Variants in B3GLCT observed in about 807,000 individuals in gnomAD.
B3GLCT encodes beta-1,3-glucosyltransferase.
In B3GLCT, 65 loss-of-function variants were observed where a neutral mutation model predicts 63.4. The ratio of observed to expected loss-of-function variants is 1.03; its 90% confidence interval spans 0.84 to 1.26. The LOEUF (loss-of-function observed/expected upper bound fraction) is 1.26, where lower values mean the gene tolerates loss of function less well. Ranked by LOEUF, B3GLCT falls within the 50% of genes most tolerant of loss-of-function variation. The pLI is 0.00. For missense variants in B3GLCT, 577 were observed against 604.8 expected (o/e 0.95, Z 0.48); for synonymous variants, 233 against 219.2 (o/e 1.06, Z -0.55).
chr13:31,226,793 G>C (rs1870125853), intron 3 of B3GLCT, among the ~76,000 whole-genome samples: 1 of 151,958 alleles, frequency 6.6e-6, no homozygotes, highest in Non-Finnish European at 1.5e-5. Context: ...GAAATAATTT[G>C]AACATATAAG....
rs187311860 is a variant in B3GLCT at position 31,263,948 on chromosome 13, C to T, written c.596+2866C>T. Among the ~76,000 whole-genome samples, 23 of 152,262 alleles carry T rather than the reference C, an allele frequency of 1.5e-4. No homozygotes were observed. In the East Asian group the frequency reaches 1.9e-3, roughly 13 times the overall value. ...TGCCATAAACCAGGTAGCTTATAAA[C>T]GACAGCAGTTTATTTCTTATAGTTC... is the stretch of plus-strand genomic sequence containing the variant. On this transcript the variant is annotated intron_variant, in intron 7 of 14. Coordinates refer to ENST00000343307, the MANE Select transcript of B3GLCT (RefSeq NM_194318.4).
chr13:31,311,831 A>C (rs553000542), intron 12 of B3GLCT, among the ~76,000 whole-genome samples: 1 of 152,338 alleles, frequency 6.6e-6, no homozygotes, highest in African/African-American at 2.4e-5. Flanking sequence ...GTAGAGCCAT[A>C]GGCACACAGG....
At chr13:31,225,014 CTCTG>C in intron 3 of B3GLCT, among the ~76,000 whole-genome samples, 1 of 152,222 alleles carries the variant, frequency 6.6e-6, no homozygotes, top group East Asian at 1.9e-4. Flanking sequence ...CTAACTATCT[CTCTG>C]TCCTGCTGCC....
chr13:31,325,388 G>A (rs542397855), intron 14 of B3GLCT, among the ~76,000 whole-genome samples: 1 of 152,124 alleles, frequency 6.6e-6, no homozygotes, highest in African/African-American at 2.4e-5. Context: ...AATAAAAGGG[G>A]TAATTAAAAC....
chr13:31,228,571 C>T (rs1405434515), intron 3 of B3GLCT, among the ~76,000 whole-genome samples: 1 of 152,180 alleles, frequency 6.6e-6, no homozygotes, highest in African/African-American at 2.4e-5. Context: ...TGGCTATCTT[C>T]TCTGTGTGTC....
intron 7 of B3GLCT, among the ~76,000 whole-genome samples, chr13:31,265,398 A>G (rs1253337131): frequency 2.0e-5 from 3 of 152,192 alleles, no homozygotes; most frequent in Non-Finnish European, 4.4e-5. Context: ...CAGTCCAGGA[A>G]TGTTGATTCC....
At chr13:31,251,455 A>T (rs1871424191) in intron 6 of B3GLCT, among the ~76,000 whole-genome samples, 1 of 152,222 alleles carries the variant, frequency 6.6e-6, no homozygotes, top group Non-Finnish European at 1.5e-5. Context: ...AGTGCAAGGA[A>T]GCTAAGAACC....
chr13:31,213,887 A>G (rs1869422050), intron 1 of B3GLCT, among the ~76,000 whole-genome samples: 1 of 152,134 alleles, frequency 6.6e-6, no homozygotes, highest in African/African-American at 2.4e-5. Flanking sequence ...CTTACATTTC[A>G]GTTTCACCCT....
chr13:31,218,151 G>A (rs1372217650), intron 2 of B3GLCT, among the ~76,000 whole-genome samples: 1 of 148,642 alleles, frequency 6.7e-6, no homozygotes, highest in Non-Finnish European at 1.5e-5. Context: ...TCCCTGGTTA[G>A]CTGTATTCCT....
intron 1 of B3GLCT, among the ~76,000 whole-genome samples, chr13:31,205,238 T>G (rs960530827): frequency 9.2e-5 from 14 of 151,634 alleles, no homozygotes; most frequent in African/African-American, 3.4e-4. Flanking sequence ...TGAGTAGGTT[T>G]TTTTTTTTTG....
chr13:31,269,416 C>T, intron 8 of B3GLCT, 139 bp downstream of exon 8: 1 of 633,742 alleles, frequency 1.6e-6, no homozygotes, highest in Middle Eastern at 2.5e-4. Flanking sequence ...CATAGCACTC[C>T]AGCGAATTAG....
intron 4 of B3GLCT, among the ~76,000 whole-genome samples, chr13:31,239,684 CTT>C (rs59239925): frequency 1.3e-4 from 18 of 140,712 alleles, no homozygotes; most frequent in African/African-American, 2.3e-4. Flanking sequence ...TCACCTGAGT[CTT>C]TTTTTTTTTT....
At chr13:31,277,570 T>G (rs1872858921) in intron 10 of B3GLCT, among the ~76,000 whole-genome samples, 1 of 152,192 alleles carries the variant, frequency 6.6e-6, no homozygotes, top group South Asian at 2.1e-4. Context: ...ATGTGGTATT[T>G]ATGTAGGAGA....
intron 3 of B3GLCT, among the ~76,000 whole-genome samples, chr13:31,228,427 G>C (rs1281440641): frequency 1.3e-5 from 2 of 152,218 alleles, no homozygotes; most frequent in Admixed American, 1.3e-4. Flanking sequence ...ACGTGGCTTA[G>C]TACAAGCAAC....
chr13:31,289,560 T>A (rs1359249858), intron 12 of B3GLCT, among the ~76,000 whole-genome samples: 2 of 152,140 alleles, frequency 1.3e-5, no homozygotes, highest in Non-Finnish European at 2.9e-5. Context: ...AGTGGACTTT[T>A]CAGCAGAAAC....
rs114943636 is a variant in B3GLCT at position 31,319,444 on chromosome 13, C to A, written c.1184+1759C>A. On this transcript the variant is annotated intron_variant, in intron 13 of 14. Transcript: ENST00000343307. ...CCAAGGTTTCCAGCAACCTTGCTGT[C>A]GCTAAATCAAATTAATAATTTCCAA... is the stretch of plus-strand genomic sequence containing the variant. Among the ~76,000 whole-genome samples the A allele has an allele frequency of 5.5e-3, 836 of 152,316 alleles. 12 individuals carry two copies. The highest frequency in any genetic ancestry group is 0.019 in the African/African-American group (803 of 41,566).
rs116058136 is a variant in B3GLCT at position 31,284,290 on chromosome 13, C to T, written c.851-358C>T. Among the ~76,000 whole-genome samples the T allele has an allele frequency of 6.6e-3, 999 of 152,164 alleles. 14 individuals are homozygous for T. The highest frequency in any genetic ancestry group is 0.02 in the African/African-American group (811 of 41,522). On this transcript the variant is annotated intron_variant, in intron 10 of 14. Coordinates refer to ENST00000343307, the MANE Select transcript of B3GLCT (RefSeq NM_194318.4). Reference sequence around the variant, plus strand: ...TTTGCAAAGGTCTTCTCATGCTCCACGGTAAGAGGGATGGATTTTCTCTTA... The same window carrying T: ...TTTGCAAAGGTCTTCTCATGCTCCATGGTAAGAGGGATGGATTTTCTCTTA...
chr13:31,278,602 A>C (rs981512999), intron 10 of B3GLCT, among the ~76,000 whole-genome samples: 21 of 152,184 alleles, frequency 1.4e-4, no homozygotes, highest in African/African-American at 4.1e-4. Context: ...TTGTTTGAAA[A>C]GATAGTCTAA....
At chr13:31,232,155 C>G (rs375992277) in intron 4 of B3GLCT, among the ~76,000 whole-genome samples, 1 of 152,202 alleles carries the variant, frequency 6.6e-6, no homozygotes, top group Non-Finnish European at 1.5e-5. Context: ...CATCTTCCAC[C>G]GCTCATCCCC....
Sources: gnomAD v4.1 joint callset for allele counts (sites outside exome capture counted in the v4.1 genomes callset) on GRCh38, gnomAD v4.1.1 for gene constraint, MANE v1.5 for transcripts, NCBI Gene and HGNC (gene_info 2026-07-23, HGNC 2026-07-21) for gene names.